CTNND1: variants seen among roughly 807,000 people sequenced by gnomAD.
CTNND1 encodes catenin delta-1.
In CTNND1, 16 loss-of-function variants were observed where a neutral mutation model predicts 112.1. The observed-to-expected ratio is 0.14, with a 90% CI of 0.10 to 0.22. CTNND1 has a LOEUF of 0.22. Among genes scored for constraint, CTNND1 ranks in the 10% least tolerant of loss-of-function variants. CTNND1 has a pLI of 1.00. For synonymous variants in CTNND1, 420 were observed against 446.5 expected, an observed-to-expected ratio of 0.94 and a Z score of 0.75; for missense variants, 1,008 against 1,257.0, an observed-to-expected ratio of 0.80 and a Z score of 3.00.
intron 1 of CTNND1, among the ~76,000 whole-genome samples, chr11:57,783,426 G>A (rs1199908671): frequency 6.6e-6 from 1 of 152,182 alleles, no homozygotes; most frequent in Non-Finnish European, 1.5e-5. Context: ...TTGGAAGGCC[G>A]CGGCGGGTGG....
intron 3 of CTNND1, among the ~76,000 whole-genome samples, chr11:57,792,832 ATTT>A (rs35942817): frequency 6.9e-4 from 97 of 140,292 alleles, no homozygotes; most frequent in African/African-American, 7.3e-4. Flanking sequence ...CGGCTGAGTG[ATTT>A]TTTTTTTTTT....
At chr11:57,773,844 A>T (rs1953455321) in intron 1 of CTNND1, among the ~76,000 whole-genome samples, 3 of 151,982 alleles carry the variant, frequency 2.0e-5, no homozygotes, top group Admixed American at 6.6e-5. Context: ...CAGGAGGCCG[A>T]GGCAGGAGAA....
chr11:57,803,472 A>G, intron 7 of CTNND1, 149 bp from the exon 8 acceptor site: 1 of 511,846 alleles, frequency 2.0e-6, no homozygotes, highest in South Asian at 3.5e-5. Flanking sequence ...TTTCTTGGTG[A>G]GGGTCGCAAA....
chr11:57,800,553 C>T (rs2061902276), intron 6 of CTNND1, among the ~76,000 whole-genome samples: 1 of 152,162 alleles, frequency 6.6e-6, no homozygotes, highest in South Asian at 2.1e-4. Flanking sequence ...CAGATGTGAG[C>T]CACCATGCCT....
At chr11:57,779,754 ATG>A (rs537854962) in intron 1 of CTNND1, among the ~76,000 whole-genome samples, 30 of 152,306 alleles carry the variant, frequency 2.0e-4, no homozygotes, top group African/African-American at 7.0e-4. Flanking sequence ...TGATCAGAGA[ATG>A]TGACATGTAG....
chr11:57,815,466 A>T lies in CTNND1; in HGVS notation c.2774A>T (p.Asp925Val), dbSNP rs2063847873. The T allele has an allele frequency of 1.2e-6, 2 of 1,612,632 alleles. No individual in the cohort carries two copies. The highest frequency in any genetic ancestry group is 1.7e-6 in the Non-Finnish European group (2 of 1,179,332). Residue 925 changes from aspartate to valine, a missense_variant, in exon 19 of 21, where the codon GAC (aspartate) becomes GTC (valine). Coordinates refer to ENST00000399050, the MANE Select transcript of CTNND1 (RefSeq NM_001085458.2). ...RTLDRSGDLG[D>V]MEPLKGTTPL... Reference sequence around the variant, plus strand: ...CTGGATCGATCGGGGGATCTAGGCGACATGGAGCCATTGAAGGGAACAACA... The same window carrying T: ...CTGGATCGATCGGGGGATCTAGGCGTCATGGAGCCATTGAAGGGAACAACA...
chr11:57,797,920 A>G (rs1488374727), intron 6 of CTNND1, among the ~76,000 whole-genome samples: 3 of 149,714 alleles, frequency 2.0e-5, no homozygotes, highest in Non-Finnish European at 3.0e-5. Flanking sequence ...TTCTGCTTCT[A>G]TGCTGAAGTT....
At chr11:57,801,587 C>T (rs2062025140) in intron 6 of CTNND1, 146 bp from the exon 7 acceptor site, 3 of 580,522 alleles carry the variant, frequency 5.2e-6, no homozygotes, top group African/African-American at 3.8e-5. Flanking sequence ...GAAAATTGAT[C>T]AGTATATTAT....
Position 57,818,809 on chromosome 11 carries a change from G to C in CTNND1, c.*2501G>C, listed in dbSNP as rs749792228. 7 of 152,130 alleles carry C rather than the reference G, an allele frequency of 4.6e-5. No individual in the cohort carries two copies. The highest frequency in any genetic ancestry group is 8.8e-5 in the Non-Finnish European group (6 of 68,040). The allele number at this position is 152,130 out of a possible 1,614,324, so 9.4% of individuals were successfully genotyped here. On this transcript the variant is annotated 3_prime_UTR_variant, in exon 21 of 21. Coordinates refer to ENST00000399050, the MANE Select transcript of CTNND1 (RefSeq NM_001085458.2). Reference sequence around the variant, plus strand: ...TGAATAAGGCCCACTGTAATACGTAGCTCTCTTAAATATAACACTTAGGAC... The same window carrying C: ...TGAATAAGGCCCACTGTAATACGTACCTCTCTTAAATATAACACTTAGGAC...
chr11:57,794,165 A>T, intron 4 of CTNND1, 84 bp downstream of exon 4: 1 of 1,226,436 alleles, frequency 8.2e-7, no homozygotes, highest in Non-Finnish European at 1.2e-6. Context: ...GTGTCTTGTA[A>T]GGTGCCTGGC....
chr11:57,814,720 C>T (rs2063756538), intron 18 of CTNND1, among the ~76,000 whole-genome samples: 1 of 152,050 alleles, frequency 6.6e-6, no homozygotes, highest in African/African-American at 2.4e-5. Flanking sequence ...TCTATCTATT[C>T]ACTCTATAGT....
chr11:57,803,873 A>AT (rs962899700), intron 8 of CTNND1, 69 bp downstream of exon 8: 2 of 1,252,894 alleles, frequency 1.6e-6, no homozygotes, highest in African/African-American at 3.0e-5. Flanking sequence ...CTAAAAAAAA[A>AT]AAAAAATTAA....
chr11:57,803,265 G>A (rs1338232637), intron 7 of CTNND1, among the ~76,000 whole-genome samples: 3 of 152,186 alleles, frequency 2.0e-5, no homozygotes, highest in East Asian at 3.9e-4. Context: ...CCGCCACCAC[G>A]CCCGGCTAAT....
In CTNND1 at chr11:57,814,380, G is replaced by T. The variant is rs1565383747; in HGVS notation, c.2701+7G>T. 2.5e-6 allele frequency: 4 copies of T among 1,600,532 alleles called. No individual in the cohort carries two copies. Among genetic ancestry groups the T allele is most frequent in the Middle Eastern group, 1.7e-4 (1 of 6,032 alleles). On this transcript the variant is annotated splice_region_variant and intron_variant, in intron 18 of 20. Transcript: ENST00000399050. ...TCAAACACAAAATCACTAGGTAGGT[G>T]ATTAATTCCTGCCTAAGGATGTGGA...
intron 6 of CTNND1, 107 bp downstream of exon 6, chr11:57,797,099 C>G (rs2061421738): frequency 1.0e-6 from 1 of 957,816 alleles, no homozygotes; most frequent in Non-Finnish European, 1.4e-6. Flanking sequence ...TACTCGTGGC[C>G]TCCTCCCCTC....
Position 57,796,494 on chromosome 11 carries a change from T to A in CTNND1, c.458T>A (p.Val153Glu), listed in dbSNP as rs1274442550. Residue 153 changes from valine to glutamate, a missense_variant, in exon 6 of 21, where the codon GTA becomes GAA. Physicochemically the swap from Val to Glu is moderately radical, Grantham distance 121 (BLOSUM62 -2). Around this residue, in one of 5 missense-constraint regions of CTNND1, gnomAD observed 404 missense variants for 457.9 expected, o/e 0.88. Coordinates refer to ENST00000399050, the MANE Select transcript of CTNND1 (RefSeq NM_001085458.2). ...GTGAAGACTGTGACAACACGGACAG[T>A]ACAGCCAGTCGCTATGGGACCAGAC... is the stretch of plus-strand genomic sequence containing the variant. Reference protein sequence around the residue: ...KVVKTVTTRTVQPVAMGPDGL... With the variant: ...KVVKTVTTRTEQPVAMGPDGL... The A allele has an allele frequency of 6.2e-7, 1 of 1,613,488 alleles. No individual in the cohort carries two copies. Among genetic ancestry groups the A allele is most frequent in the African/African-American group, 1.3e-5 (1 of 74,940 alleles).
At chr11:57,791,276 G>C (rs2060710191) in intron 2 of CTNND1, 109 bp from the exon 3 acceptor site, 1 of 935,706 alleles carries the variant, frequency 1.1e-6, no homozygotes, top group Non-Finnish European at 1.4e-6. Flanking sequence ...CTTGCTTTCT[G>C]CACTGCAGTA....
intron 5 of CTNND1, among the ~76,000 whole-genome samples, chr11:57,796,220 A>G (rs1468178423): frequency 2.0e-5 from 3 of 151,988 alleles, no homozygotes; most frequent in East Asian, 3.9e-4. Flanking sequence ...CCCCGTCTCT[A>G]CTAAAAATAC....
chr11:57,793,580 A>G (rs1047632834), intron 3 of CTNND1, among the ~76,000 whole-genome samples: 1 of 151,752 alleles, frequency 6.6e-6, no homozygotes, highest in African/African-American at 2.4e-5. Context: ...CTCTTTGGAA[A>G]CCCCCCAACT....
Sources: allele counts gnomAD v4.1 joint callset (sites outside exome capture counted in the v4.1 genomes callset), GRCh38; gene constraint gnomAD v4.1.1; regional missense constraint gnomAD v4.1.1; transcripts MANE v1.5; gene names NCBI Gene and HGNC (gene_info 2026-07-23, HGNC 2026-07-21).